PPARGC1A: variants seen among roughly 807,000 people sequenced by gnomAD.
The protein encoded by PPARGC1A is PPARG coactivator 1 alpha.
PPARGC1A carries 25 observed loss-of-function variants against 88.7 expected under a neutral mutation model. That is an observed-to-expected ratio of 0.28 (90% CI 0.21 to 0.39). The LOEUF is 0.39. PPARGC1A is among the 10% of genes least tolerant of loss of function. The pLI is 1.00. For missense variants in PPARGC1A, 880 were observed against 968.7 expected (o/e 0.91, Z 1.22); for synonymous variants, 363 against 355.6 (o/e 1.02, Z -0.24).
At chr4:24,288,503 T>G in the PPARGC1A span, among the ~76,000 whole-genome samples, 1 of 152,194 alleles carries the variant, frequency 6.6e-6, no homozygotes, top group Non-Finnish European at 1.5e-5. Context: ...AGGCTCAAAA[T>G]GAAAGCTATT....
Position 23,794,731 on chromosome 4 carries a change from T to G in PPARGC1A, c.*1091A>C, listed in dbSNP as rs1160022110. ...ATACATAAAATAAAAATACTCCATT[T>G]AACATCTGTAAATACTTAACTACAT... is the stretch of plus-strand genomic sequence containing the variant. On this transcript the variant is annotated 3_prime_UTR_variant, in exon 13 of 13. Coordinates refer to ENST00000264867, the MANE Select transcript of PPARGC1A (RefSeq NM_013261.5). 6.6e-6 allele frequency: 1 copy of G among 152,486 alleles called. No homozygotes were observed. Among genetic ancestry groups the G allele is most frequent in the Non-Finnish European group, 1.5e-5 (1 of 68,020 alleles). The allele number at this position is 152,486 out of a possible 1,614,324, so 9.4% of individuals were successfully genotyped here.
At chr4:23,907,729 C>T (rs755376738), upstream of PPARGC1A, among the ~76,000 whole-genome samples, 8 of 152,000 alleles carry the variant, frequency 5.3e-5, no homozygotes, top group Non-Finnish European at 7.4e-5. Flanking sequence ...CCCTTTTCTA[C>T]GTAGTTCGAG....
At chr4:23,829,704 TTTTA>T (rs1724655610) in intron 3 of PPARGC1A, 119 bp from the exon 4 acceptor site, 3 of 1,012,574 alleles carry the variant, frequency 3.0e-6, no homozygotes, top group East Asian at 2.9e-5. Context: ...AATTCTATCA[TTTTA>T]TTTATGTCAC....
At chr4:24,378,577 A>C in the PPARGC1A span, among the ~76,000 whole-genome samples, 1 of 152,312 alleles carries the variant, frequency 6.6e-6, no homozygotes, top group African/African-American at 2.4e-5. Context: ...ATAATCTATA[A>C]ATGAATCCTG....
the PPARGC1A span, among the ~76,000 whole-genome samples, chr4:24,462,614 C>T: frequency 5.3e-5 from 8 of 151,862 alleles, no homozygotes; most frequent in African/African-American, 1.9e-4. Flanking sequence ...TAGTACCCAC[C>T]TCATAGGGTA....
At chr4:23,921,743 T>A in the PPARGC1A span, among the ~76,000 whole-genome samples, 46 of 152,324 alleles carry the variant, frequency 3.0e-4, 1 homozygote, top group African/African-American at 1.1e-3. Context: ...GTGGATTAGT[T>A]GGGAGTTGGA....
the PPARGC1A span, among the ~76,000 whole-genome samples, chr4:24,011,368 C>T: frequency 3.3e-5 from 5 of 152,130 alleles, no homozygotes; most frequent in Non-Finnish European, 7.4e-5. Context: ...ACTGCACAAG[C>T]ACTCACACAT....
chr4:23,862,958 A>G (rs1405032960), intron 2 of PPARGC1A, among the ~76,000 whole-genome samples: 1 of 152,134 alleles, frequency 6.6e-6, no homozygotes, highest in Non-Finnish European at 1.5e-5. Context: ...CCTGCTTTAC[A>G]ATCTGCGCAT....
At chr4:24,022,941 T>C in the PPARGC1A span, among the ~76,000 whole-genome samples, 1 of 152,190 alleles carries the variant, frequency 6.6e-6, no homozygotes, top group Non-Finnish European at 1.5e-5. Context: ...TTGGGATGAA[T>C]AAGACATGTG....
chr4:24,121,625 G>A, the PPARGC1A span, among the ~76,000 whole-genome samples: 1 of 152,118 alleles, frequency 6.6e-6, no homozygotes, highest in Non-Finnish European at 1.5e-5. Context: ...GTGACCAGGG[G>A]AGAGGAATGC....
At chr4:24,426,022 A>G in the PPARGC1A span, among the ~76,000 whole-genome samples, 1 of 152,238 alleles carries the variant, frequency 6.6e-6, no homozygotes, top group African/African-American at 2.4e-5. Flanking sequence ...GACTAATTCA[A>G]ATTCCAGCCC....
At chr4:24,168,775 T>G in the PPARGC1A span, among the ~76,000 whole-genome samples, 3 of 152,122 alleles carry the variant, frequency 2.0e-5, no homozygotes, top group African/African-American at 7.2e-5. Flanking sequence ...ACTCAAAGTA[T>G]AAAATAAATA....
chr4:24,029,846 A>C, the PPARGC1A span, among the ~76,000 whole-genome samples: 1 of 152,324 alleles, frequency 6.6e-6, no homozygotes, highest in Non-Finnish European at 1.5e-5. Flanking sequence ...CTCAGTGGAC[A>C]ACACCATTTG....
the PPARGC1A span, among the ~76,000 whole-genome samples, chr4:23,950,551 G>T: frequency 6.6e-6 from 1 of 151,972 alleles, no homozygotes; most frequent in Non-Finnish European, 1.5e-5. Flanking sequence ...ACTGACTCAG[G>T]AATACCAGGG....
chr4:23,875,720 T>C (rs1046809540), intron 2 of PPARGC1A: 2 of 152,236 alleles, frequency 1.3e-5, no homozygotes, highest in Admixed American at 6.5e-5. Flanking sequence ...TGAGATCCAT[T>C]TTAGAATAAT....
the PPARGC1A span, among the ~76,000 whole-genome samples, chr4:24,200,386 C>T: frequency 7.2e-5 from 11 of 151,752 alleles, no homozygotes; most frequent in Non-Finnish European, 1.6e-4. Context: ...TGGTGGACAC[C>T]GGTAATCCCA....
At chr4:24,065,641 A>G in the PPARGC1A span, among the ~76,000 whole-genome samples, 11 of 151,936 alleles carry the variant, frequency 7.2e-5, no homozygotes, top group Non-Finnish European at 1.0e-4. Context: ...AGCAACAAAC[A>G]CCAATTGAGA....
the PPARGC1A span, among the ~76,000 whole-genome samples, chr4:24,024,134 C>A: frequency 5.3e-5 from 8 of 152,198 alleles, no homozygotes; most frequent in Non-Finnish European, 8.8e-5. Context: ...TGGTGTAACT[C>A]ATTGATGGAC....
the PPARGC1A span, among the ~76,000 whole-genome samples, chr4:24,122,796 A>C: frequency 6.6e-6 from 1 of 152,166 alleles, no homozygotes; most frequent in Non-Finnish European, 1.5e-5. Context: ...CTAAATGATT[A>C]AGAGGAATTA....
Sources: gnomAD v4.1 joint callset for allele counts (sites outside exome capture counted in the v4.1 genomes callset) on GRCh38, gnomAD v4.1.1 for gene constraint, MANE v1.5 for transcripts, NCBI Gene and HGNC (gene_info 2026-07-23, HGNC 2026-07-21) for gene names.